ACOT1: variants seen among roughly 807,000 people sequenced by gnomAD.
The protein encoded by ACOT1 is acyl-coenzyme A thioesterase 1.
Under a neutral mutation model 15.7 loss-of-function variants are expected in ACOT1, and 8 were observed. That is an observed-to-expected ratio of 0.51 (90% confidence interval 0.30 to 0.92). The LOEUF (loss-of-function observed/expected upper bound fraction) is 0.92, where lower values mean the gene tolerates loss of function less well. Among genes scored for constraint, ACOT1 ranks in the 40% least tolerant of loss-of-function variants. The probability of loss-of-function intolerance (pLI) is 0.06; values close to 1 mark genes in which losing one functional copy is unlikely to be tolerated. For missense variants in ACOT1, 151 were observed against 539.4 expected (o/e 0.28, Z 7.13); for synonymous variants, 67 against 241.2 (o/e 0.28, Z 6.69).
chr14:73,498,631 CA>C, the ACOT1 span, among the ~76,000 whole-genome samples: 10 of 152,106 alleles, frequency 6.6e-5, no homozygotes, highest in African/African-American at 2.4e-4. Context: ...AAAGGAGGCA[CA>C]ATTATTTATC....
the ACOT1 span, chr14:73,506,645 GAAAT>G: frequency 8.7e-7 from 1 of 1,151,080 alleles, no homozygotes; most frequent in Admixed American, 1.7e-5. Flanking sequence ...GTTACATTCT[GAAAT>G]GGCATCCTGC....
chr14:73,529,593 A>G, the ACOT1 span, among the ~76,000 whole-genome samples: 1 of 152,074 alleles, frequency 6.6e-6, no homozygotes, highest in Non-Finnish European at 1.5e-5. Flanking sequence ...TATTTTATGA[A>G]TACAGAACTC....
At chr14:73,507,344 C>T in the ACOT1 span, among the ~76,000 whole-genome samples, 2 of 152,126 alleles carry the variant, frequency 1.3e-5, no homozygotes, top group Non-Finnish European at 2.9e-5. Context: ...TTGTATACAC[C>T]TCTACACCCA....
chr14:73,510,335 A>G, the ACOT1 span, among the ~76,000 whole-genome samples: 1 of 152,144 alleles, frequency 6.6e-6, no homozygotes, highest in South Asian at 2.1e-4. Context: ...TAAGACTGTC[A>G]TGGGCCATGC....
the ACOT1 span, among the ~76,000 whole-genome samples, chr14:73,524,304 A>ATATATATAT: frequency 2.1e-5 from 2 of 93,776 alleles, no homozygotes; most frequent in African/African-American, 5.4e-5. Flanking sequence ...AAAAAAAAAA[A>ATATATATAT]AAAAAAATAT....
At chr14:73,538,352 G>T (rs1488912228) in intron 1 of ACOT1, among the ~76,000 whole-genome samples, 2 of 114,302 alleles carry the variant, frequency 1.7e-5, no homozygotes, top group African/African-American at 5.7e-5. Flanking sequence ...GCTGGCTCAC[G>T]CCTGTAATCC....
At chr14:73,504,875 G>C in the ACOT1 span, among the ~76,000 whole-genome samples, 1 of 152,120 alleles carries the variant, frequency 6.6e-6, no homozygotes, top group African/African-American at 2.4e-5. Flanking sequence ...CAAAAACGAA[G>C]TGTTGCCTGG....
chr14:73,526,184 T>A, the ACOT1 span, among the ~76,000 whole-genome samples: 2 of 152,098 alleles, frequency 1.3e-5, no homozygotes, highest in Non-Finnish European at 2.9e-5. Context: ...TGCTGCCCTG[T>A]CACAGCACAG....
the ACOT1 span, among the ~76,000 whole-genome samples, chr14:73,515,117 T>C: frequency 6.6e-6 from 1 of 151,340 alleles, no homozygotes; most frequent in Non-Finnish European, 1.5e-5. Flanking sequence ...CTGAACTTAA[T>C]GTTTTTCATG....
the ACOT1 span, among the ~76,000 whole-genome samples, chr14:73,506,142 G>T: frequency 6.6e-6 from 1 of 151,922 alleles, no homozygotes; most frequent in Non-Finnish European, 1.5e-5. Flanking sequence ...GCCTGCCTTG[G>T]CCTCCCCAAG....
the ACOT1 span, chr14:73,509,531 G>C: frequency 6.3e-7 from 1 of 1,580,960 alleles, no homozygotes; most frequent in Non-Finnish European, 8.7e-7. Context: ...CTCACACACA[G>C]CTTCCTTCCT....
At chr14:73,506,467 C>G in the ACOT1 span, 1 of 1,612,240 alleles carries the variant, frequency 6.2e-7, no homozygotes, top group South Asian at 1.1e-5. Context: ...AGAGGTTTAC[C>G]AAGCAGACAT....
At chr14:73,522,502 C>A in the ACOT1 span, 8 of 1,614,232 alleles carry the variant, frequency 5.0e-6, no homozygotes, top group Non-Finnish European at 6.8e-6. Flanking sequence ...TGCTCTGGAT[C>A]CATCGGGCTG....
At chr14:73,491,087 C>G in the ACOT1 span, 1 of 1,599,706 alleles carries the variant, frequency 6.3e-7, no homozygotes, top group Non-Finnish European at 8.5e-7. Flanking sequence ...CAAGCCCCAG[C>G]CACACAGCGG....
the ACOT1 span, among the ~76,000 whole-genome samples, chr14:73,496,368 T>C: frequency 6.6e-6 from 1 of 152,122 alleles, no homozygotes; most frequent in Non-Finnish European, 1.5e-5. Flanking sequence ...TGAGGGTTAC[T>C]TGATAGGACT....
At chr14:73,505,991 A>T in the ACOT1 span, among the ~76,000 whole-genome samples, 1 of 150,658 alleles carries the variant, frequency 6.6e-6, no homozygotes, top group Non-Finnish European at 1.5e-5. Context: ...CCTGGGTTCA[A>T]GCGATTCTCC....
At chr14:73,514,068 C>T in the ACOT1 span, 1 of 1,614,230 alleles carries the variant, frequency 6.2e-7, no homozygotes. Flanking sequence ...TCAGCATCCT[C>T]CGCAGGACCA....
At chr14:73,493,304 T>C in the ACOT1 span, 1 of 578,710 alleles carries the variant, frequency 1.7e-6, no homozygotes, top group African/African-American at 1.9e-5. Flanking sequence ...ATCTGAGTTC[T>C]TTTTCATGGG....
the ACOT1 span, chr14:73,491,151 GTGT>G: frequency 1.2e-6 from 2 of 1,607,768 alleles, no homozygotes. Context: ...CAGCTGCGAA[GTGT>G]TGTATCCCGC....
Sources: gnomAD v4.1 joint callset for allele counts (sites outside exome capture counted in the v4.1 genomes callset) on GRCh38, gnomAD v4.1.1 for gene constraint, MANE v1.5 for transcripts, NCBI Gene and HGNC (gene_info 2026-07-23, HGNC 2026-07-21) for gene names.